Variants in PLPPR5 observed in about 807,000 individuals in gnomAD.
The protein encoded by PLPPR5 is phospholipid phosphatase-related protein type 5.
Under a neutral mutation model 33.9 loss-of-function variants are expected in PLPPR5, and 16 were observed. That is an observed-to-expected ratio of 0.47 (90% CI 0.32 to 0.72). The LOEUF (loss-of-function observed/expected upper bound fraction) is 0.72, where lower values mean the gene tolerates loss of function less well. Among genes scored for constraint, PLPPR5 ranks in the 30% least tolerant of loss-of-function variants. The pLI is 0.03. For synonymous variants in PLPPR5, 163 were observed against 150.3 expected, an observed-to-expected ratio of 1.08 and a Z score of -0.62; for missense variants, 301 against 406.7, an observed-to-expected ratio of 0.74 and a Z score of 2.23.
At position 98,922,071 on chromosome 1, in the gene PLPPR5, A is replaced by AT. The variant is rs781462246; in HGVS notation, c.622-14dup. On this transcript the variant is annotated splice_polypyrimidine_tract_variant and intron_variant, in intron 3 of 5. Transcript: ENST00000263177. ...TGGTGATGTACATCTGAAACATTCAATAAAAAAAATGACTTTTCATGAAGG... is the reference window on the plus strand; with the variant it reads ...TGGTGATGTACATCTGAAACATTCAATTAAAAAAAATGACTTTTCATGAAGG... 125 of 1,521,816 alleles carry AT rather than the reference A, an allele frequency of 8.2e-5. No individual in the cohort carries two copies. The highest frequency in any genetic ancestry group is 6.8e-4 in the Middle Eastern group (4 of 5,904). The allele number at this position is 1,521,816 out of a possible 1,614,324, so 94.3% of individuals were successfully genotyped here.
At chr1:98,939,595 T>A (rs1466549479) in intron 3 of PLPPR5, among the ~76,000 whole-genome samples, 1 of 151,724 alleles carries the variant, frequency 6.6e-6, no homozygotes, top group African/African-American at 2.4e-5. Context: ...GGCAGGCCAC[T>A]GGCACGTGAT....
rs1303592101 is a variant in PLPPR5 at position 99,004,763 on chromosome 1, C to CGGCGGCGGA, written c.-101_-93dup. Reference sequence around the variant, plus strand: ...TCCGCCGAGGCAGCCACCGGGGGCGCGGCGGCGGAGGCGGCGGGAGGACGA... The same window carrying CGGCGGCGGA: ...TCCGCCGAGGCAGCCACCGGGGGCGCGGCGGCGGAGGCGGCGGAGGCGGCGGGAGGACGA... On this transcript the variant is annotated 5_prime_UTR_variant, in exon 1 of 6. Transcript: ENST00000263177. 5.9e-6 allele frequency: 5 copies of CGGCGGCGGA among 848,636 alleles called. No individual in the cohort carries two copies. Among genetic ancestry groups the CGGCGGCGGA allele is most frequent in the East Asian group, 4.3e-5 (1 of 23,082 alleles). 52.6% of individuals were successfully genotyped at this position (848,636 alleles called of 1,614,324 possible).
intron 4 of PLPPR5, among the ~76,000 whole-genome samples, chr1:98,918,020 G>C (rs1384662912): frequency 6.6e-6 from 1 of 152,142 alleles, no homozygotes; most frequent in Non-Finnish European, 1.5e-5. Context: ...TATAATTCTT[G>C]TAATTCTATT....
chr1:98,925,631 T>A (rs1306058026), intron 3 of PLPPR5, among the ~76,000 whole-genome samples: 1 of 152,172 alleles, frequency 6.6e-6, no homozygotes, highest in Non-Finnish European at 1.5e-5. Flanking sequence ...CTTTTTTGTG[T>A]AAATTGAGAA....
chr1:98,919,217 G>C (rs1649464278), intron 4 of PLPPR5, among the ~76,000 whole-genome samples: 1 of 152,136 alleles, frequency 6.6e-6, no homozygotes, highest in Non-Finnish European at 1.5e-5. Flanking sequence ...TGGTCAGAGA[G>C]CAAAGATACA....
intron 3 of PLPPR5, among the ~76,000 whole-genome samples, chr1:98,941,571 T>C (rs1336986742): frequency 6.6e-6 from 1 of 150,914 alleles, no homozygotes; most frequent in Non-Finnish European, 1.5e-5. Context: ...TTTTTTTTGA[T>C]AGTGGAAGTT....
chr1:98,953,002 AGAATTTCTACAT>A, intron 3 of PLPPR5, 56 bp downstream of exon 3: 3 of 1,566,146 alleles, frequency 1.9e-6, no homozygotes, highest in Non-Finnish European at 2.6e-6. Context: ...GCAGAGAAAA[AGAATTTCTACAT>A]TGGAAAAATT....
intron 1 of PLPPR5, among the ~76,000 whole-genome samples, chr1:98,957,774 T>C (rs967770690): frequency 8.5e-5 from 13 of 152,194 alleles, no homozygotes; most frequent in African/African-American, 3.1e-4. Flanking sequence ...CCTACCCTTT[T>C]ACAAGTAAAG....
rs1339407095 is a variant in PLPPR5 at position 98,953,253 on chromosome 1, A to G, written c.438T>C (p.Asn146=). The G allele has an allele frequency of 3.7e-6, 6 of 1,614,080 alleles. 1 individual carries two copies. The South Asian group carries it at 5.5e-5, about 15-fold the overall frequency. Residue 146 remains asparagine (N), a synonymous_variant, in exon 3 of 6, where the codon AAT becomes AAC. Transcript: ENST00000263177. ...FVNAGQVVTG[N]LAPHFLALCK... ...ACAGGGCAAGGAAATGTGGGGCCAGATTTCCTGTGACTACTTGTCCAGCAT... is the reference window on the plus strand; with the variant it reads ...ACAGGGCAAGGAAATGTGGGGCCAGGTTTCCTGTGACTACTTGTCCAGCAT...
At chr1:98,931,694 C>G (rs1033948137) in intron 3 of PLPPR5, among the ~76,000 whole-genome samples, 1 of 151,722 alleles carries the variant, frequency 6.6e-6, no homozygotes, top group Non-Finnish European at 1.5e-5. Context: ...TTGTGTGGGT[C>G]GGGACGGGGG....
intron 3 of PLPPR5, among the ~76,000 whole-genome samples, chr1:98,926,496 GTT>G (rs1491125608): frequency 2.5e-5 from 3 of 118,426 alleles, no homozygotes; most frequent in African/African-American, 6.4e-5. Context: ...GTGTGTGTGT[GTT>G]TTAATAACTT....
rs193290838 is a variant in PLPPR5, at chr1:98,948,088, C to T, written c.621+4982G>A. On this transcript the variant is annotated intron_variant, in intron 3 of 5. Transcript: ENST00000263177. ...CTATTGTTTCTACTCCAGACACAATCCCTGACCAGTCTCATGAAATCACCT... is the reference window on the plus strand; with the variant it reads ...CTATTGTTTCTACTCCAGACACAATTCCTGACCAGTCTCATGAAATCACCT... Among the ~76,000 whole-genome samples, 119 of 152,276 alleles carry T rather than the reference C, an allele frequency of 7.8e-4. 1 individual carries two copies. Among genetic ancestry groups the T allele is most frequent in the African/African-American group, 2.6e-4 (11 of 41,552 alleles).
At position 99,004,735 on chromosome 1, in the gene PLPPR5, C is replaced by A; in HGVS notation, c.-64G>T. ...CGGTCGACGCGGTGGGCCCCCTCCC[C>A]GGTCCGCCGAGGCAGCCACCGGGGG... On this transcript the variant is annotated 5_prime_UTR_variant, in exon 1 of 6. Coordinates refer to ENST00000263177, the MANE Select transcript of PLPPR5 (RefSeq NM_001037317.2). The A allele has an allele frequency of 8.7e-7, 1 of 1,142,994 alleles. No homozygotes were observed. The highest frequency in any genetic ancestry group is 4.0e-5 in the South Asian group (1 of 25,224). 70.8% of individuals were successfully genotyped at this position (1,142,994 alleles called of 1,614,324 possible).
intron 1 of PLPPR5, among the ~76,000 whole-genome samples, chr1:98,971,013 A>C (rs1402561389): frequency 6.6e-6 from 1 of 152,128 alleles, no homozygotes; most frequent in Admixed American, 6.6e-5. Context: ...TAAACCAATA[A>C]GATGCTCTAA....
chr1:98,914,934 A>G lies in PLPPR5; in HGVS notation c.799-14T>C. On this transcript the variant is annotated splice_polypyrimidine_tract_variant and intron_variant, in intron 4 of 5. Transcript: ENST00000263177. Reference sequence around the variant, plus strand: ...CACGCACACAACCTAAAATTTCAGAAGACAATTACAGTTAAAGCAAACTGT... The same window carrying G: ...CACGCACACAACCTAAAATTTCAGAGGACAATTACAGTTAAAGCAAACTGT... 6.2e-7 allele frequency: 1 copy of G among 1,605,456 alleles called. No homozygotes were observed. The highest frequency in any genetic ancestry group is 8.5e-7 in the Non-Finnish European group (1 of 1,178,024).
intron 3 of PLPPR5, among the ~76,000 whole-genome samples, chr1:98,924,264 A>C (rs1649672021): frequency 6.6e-6 from 1 of 152,220 alleles, no homozygotes; most frequent in Non-Finnish European, 1.5e-5. Context: ...TTAAAAACTG[A>C]ATCAAGATAA....
intron 5 of PLPPR5, among the ~76,000 whole-genome samples, chr1:98,903,946 A>G (rs1365764742): frequency 6.6e-6 from 1 of 152,200 alleles, no homozygotes; most frequent in Non-Finnish European, 1.5e-5. Flanking sequence ...AATCTACAAA[A>G]GAGTCAATCA....
Position 99,004,707 on chromosome 1 carries a change from G to A in PLPPR5, c.-36C>T, listed in dbSNP as rs760087993. On this transcript the variant is annotated 5_prime_UTR_variant, in exon 1 of 6. Transcript: ENST00000263177. ...CGGGCCGGGCCGAGCCGAGCCGAGC[G>A]GGCGGTCGACGCGGTGGGCCCCCTC... The A allele has an allele frequency of 3.5e-6, 5 of 1,433,834 alleles. No homozygotes were observed. In the South Asian group the frequency reaches 6.0e-5, roughly 17 times the overall value. 88.8% of individuals were successfully genotyped at this position (1,433,834 alleles called of 1,614,324 possible).
chr1:98,977,166 C>T (rs896485711), intron 1 of PLPPR5, among the ~76,000 whole-genome samples: 1 of 152,030 alleles, frequency 6.6e-6, no homozygotes, highest in Admixed American at 6.6e-5. Context: ...ATGATGGAGA[C>T]TCCACCAGGC....
Sources: gnomAD v4.1 joint callset for allele counts (sites outside exome capture counted in the v4.1 genomes callset) on GRCh38, gnomAD v4.1.1 for gene constraint, MANE v1.5 for transcripts, NCBI Gene and HGNC (gene_info 2026-07-23, HGNC 2026-07-21) for gene names.